Variants in CNKSR2 observed in about 807,000 individuals in gnomAD.
CNKSR2 encodes the protein CNK homolog protein 2.
Under a neutral mutation model 84.4 loss-of-function variants are expected in CNKSR2, and 14 were observed. The ratio of observed to expected loss-of-function variants is 0.17; its 90% CI spans 0.11 to 0.26. The LOEUF (loss-of-function observed/expected upper bound fraction) is 0.26, where lower values mean the gene tolerates loss of function less well. CNKSR2 is among the 10% of genes least tolerant of loss of function. The pLI is 1.00. For synonymous variants in CNKSR2, 275 were observed against 277.9 expected (o/e 0.99, Z 0.10); for missense variants, 485 against 771.2 (o/e 0.63, Z 4.40).
chrX:21,525,681 T>C (rs2091828502), intron 9 of CNKSR2, among the ~76,000 whole-genome samples: 1 of 111,012 alleles, frequency 9.0e-6, no homozygotes. Context: ...TTAAGCGAAT[T>C]TTGTTTATCT....
At chrX:21,472,749 G>A (rs942068364) in intron 5 of CNKSR2, among the ~76,000 whole-genome samples, 1 of 111,036 alleles carries the variant, frequency 9.0e-6, no homozygotes, top group African/African-American at 3.3e-5. Flanking sequence ...TATTTCTGAG[G>A]AAATTTCAGA....
At chrX:21,636,663 T>C (rs2092673622) in intron 20 of CNKSR2, among the ~76,000 whole-genome samples, 1 of 111,054 alleles carries the variant, frequency 9.0e-6, no homozygotes, top group Admixed American at 9.7e-5. Flanking sequence ...AGGAGTCAAA[T>C]ATCAAGTCAA....
chrX:21,393,819 A>G (rs1473178248), intron 1 of CNKSR2, among the ~76,000 whole-genome samples: 3 of 112,564 alleles, frequency 2.7e-5, no homozygotes, highest in Non-Finnish European at 3.8e-5. Context: ...TTCCCAAATG[A>G]AAATGCCAGA....
intron 21 of CNKSR2, 143 bp from the exon 22 acceptor site, chrX:21,652,163 C>T (rs2092722455): frequency 4.3e-6 from 2 of 460,046 alleles, no homozygotes; most frequent in African/African-American, 2.4e-5. Flanking sequence ...TACACTAGGA[C>T]GTGAGTCTAA....
At chrX:21,529,042 T>C (rs900404332) in intron 10 of CNKSR2, among the ~76,000 whole-genome samples, 2 of 111,127 alleles carry the variant, frequency 1.8e-5, no homozygotes, top group Non-Finnish European at 3.8e-5. Context: ...TGAACATTTT[T>C]CCCCATATTA....
At chrX:21,456,120 A>G (rs1416645741) in intron 4 of CNKSR2, among the ~76,000 whole-genome samples, 1 of 111,795 alleles carries the variant, frequency 8.9e-6, no homozygotes, top group Non-Finnish European at 1.9e-5. Context: ...ATACAACATG[A>G]TGCTTTGATG....
At chrX:21,438,810 T>C (rs1225919680) in intron 3 of CNKSR2, among the ~76,000 whole-genome samples, 1 of 111,242 alleles carries the variant, frequency 9.0e-6, no homozygotes, top group Non-Finnish European at 1.9e-5. Flanking sequence ...TATTAACATA[T>C]GTGAATATTC....
At chrX:21,550,025 T>C (rs1465586170) in intron 11 of CNKSR2, among the ~76,000 whole-genome samples, 1 of 111,812 alleles carries the variant, frequency 8.9e-6, no homozygotes, top group Admixed American at 9.5e-5. Context: ...GCTTCATGAC[T>C]AAAACACCAA....
chrX:21,473,379 A>T (rs1020751317), intron 5 of CNKSR2, among the ~76,000 whole-genome samples: 1 of 112,076 alleles, frequency 8.9e-6, no homozygotes, highest in Non-Finnish European at 1.9e-5. Context: ...ATTTTTTAGA[A>T]TAATAAAATA....
rs192244631 is a variant in CNKSR2 at position 21,615,253 on chromosome X, T to A, written c.2692+5636T>A. 2.1e-3 allele frequency among the ~76,000 whole-genome samples: 238 copies of A among 112,441 alleles called. 1 individual carries two copies. Among genetic ancestry groups the A allele is most frequent in the African/African-American group, 7.2e-3 (224 of 31,043 alleles). ...GATCACATCACCTTACTTAAAAATT[T>A]TGGCTCTATTGAAATGTTAGATATA... On this transcript the variant is annotated intron_variant, in intron 20 of 21. Coordinates refer to ENST00000379510, the MANE Select transcript of CNKSR2 (RefSeq NM_014927.5).
chrX:21,589,997 A>G (rs2092410942), intron 13 of CNKSR2, among the ~76,000 whole-genome samples: 1 of 110,929 alleles, frequency 9.0e-6, no homozygotes, highest in Non-Finnish European at 1.9e-5. Flanking sequence ...AGGAGTGGGG[A>G]AGTAAATGTT....
At chrX:21,438,611 A>C in intron 3 of CNKSR2, among the ~76,000 whole-genome samples, 1 of 111,336 alleles carries the variant, frequency 9.0e-6, no homozygotes, top group East Asian at 2.8e-4. Flanking sequence ...TATAGGCAAA[A>C]ATGATTTCTA....
At chrX:21,379,337 A>G (rs1338673152) in intron 1 of CNKSR2, among the ~76,000 whole-genome samples, 5 of 112,529 alleles carry the variant, frequency 4.4e-5, no homozygotes, top group Non-Finnish European at 9.4e-5. Flanking sequence ...TCTGGCAGGA[A>G]CTGCAAATAA....
At chrX:21,490,979 G>A (rs896746989) in intron 6 of CNKSR2, 1 of 112,840 alleles carries the variant, frequency 8.9e-6, no homozygotes, top group Non-Finnish European at 1.8e-5. Context: ...GTTTGTTCTG[G>A]TTTTAATAGT....
In CNKSR2 at chrX:21,374,785, C is replaced by T. The variant is rs781710193; in HGVS notation, c.-113C>T. On this transcript the variant is annotated 5_prime_UTR_variant, in exon 1 of 22. Transcript: ENST00000379510. ...CACACAAAAGCCGCTTTCTCCGCGC[C>T]GCCCGCCCAGGGAGGCTGCGGCCAG... 9.1e-6 allele frequency: 6 copies of T among 658,573 alleles called. No individual in the cohort carries two copies. The Admixed American group carries it at 9.6e-5, about 11-fold the overall frequency. 54.3% of individuals were successfully genotyped at this position (658,573 alleles called of 1,213,427 possible). A position where few individuals can be genotyped will look rare whatever the true frequency, so the allele number is the denominator to read the frequency against.
chrX:21,596,558 G>T (rs765377832), intron 17 of CNKSR2, among the ~76,000 whole-genome samples: 2 of 110,941 alleles, frequency 1.8e-5, no homozygotes, highest in South Asian at 7.5e-4. Context: ...GCATTTTTAA[G>T]CACAAAACTG....
Position 21,374,833 on chromosome X carries a change from G to A in CNKSR2, c.-65G>A, listed in dbSNP as rs1326559338. 2.9e-6 allele frequency: 3 copies of A among 1,020,022 alleles called. No individual in the cohort carries two copies. In the African/African-American group the frequency reaches 5.6e-5, roughly 19 times the overall value. 84.1% of individuals were successfully genotyped at this position (1,020,022 alleles called of 1,213,427 possible). A position where few individuals can be genotyped will look rare whatever the true frequency, so the allele number is the denominator to read the frequency against. ...CAGCAAGGGACCCCACCTGAGAGCA[G>A]CTCGGGCTGCTGAGTTCGTTTTGTG... On this transcript the variant is annotated 5_prime_UTR_variant, in exon 1 of 22. Transcript: ENST00000379510.
chrX:21,487,105 A>G (rs1446962059), intron 5 of CNKSR2, among the ~76,000 whole-genome samples: 3 of 112,038 alleles, frequency 2.7e-5, no homozygotes, highest in Admixed American at 1.9e-4. Flanking sequence ...TTAATCTGTT[A>G]ACTCCTGATA....
rs944193040 is a variant in CNKSR2, at chrX:21,653,316, T to A, written c.*795T>A. 9.0e-6 allele frequency: 1 copy of A among 110,550 alleles called. No individual in the cohort carries two copies. Among genetic ancestry groups the A allele is most frequent in the Non-Finnish European group, 1.9e-5 (1 of 52,899 alleles). 9.1% of individuals were successfully genotyped at this position (110,550 alleles called of 1,213,427 possible). On this transcript the variant is annotated 3_prime_UTR_variant, in exon 22 of 22. Coordinates refer to ENST00000379510, the MANE Select transcript of CNKSR2 (RefSeq NM_014927.5). Reference sequence around the variant, plus strand: ...ACAGAAGAATTTGAGAGGGGATTTTTAAAAACTGACTTAACACACCCAGAA... The same window carrying A: ...ACAGAAGAATTTGAGAGGGGATTTTAAAAAACTGACTTAACACACCCAGAA...
Sources: gnomAD v4.1 joint callset for allele counts (sites outside exome capture counted in the v4.1 genomes callset) on GRCh38, gnomAD v4.1.1 for gene constraint, MANE v1.5 for transcripts, NCBI Gene and HGNC (gene_info 2026-07-23, HGNC 2026-07-21) for gene names.